The following TAOK3 variants were observed in gnomAD, a reference collection of about 807,000 sequenced individuals.
TAOK3 encodes serine/threonine-protein kinase TAO3.
In TAOK3, 40 loss-of-function variants were observed where a neutral mutation model predicts 120.4. The ratio of observed to expected loss-of-function variants is 0.33; its 90% CI spans 0.26 to 0.43. The LOEUF (loss-of-function observed/expected upper bound fraction) is 0.43. Among genes scored for constraint, TAOK3 ranks in the 20% least tolerant of loss-of-function variants. The probability of loss-of-function intolerance (pLI) is 1.00; values close to 1 mark genes in which losing one functional copy is unlikely to be tolerated. For synonymous variants in TAOK3, 355 were observed against 387.5 expected (o/e 0.92, Z 0.99); for missense variants, 821 against 1,112.1 (o/e 0.74, Z 3.72).
At chr12:118,152,866 A>G (rs2034548669) in intron 19 of TAOK3, 1 of 154,288 alleles carries the variant, frequency 6.5e-6, no homozygotes, top group Non-Finnish European at 1.4e-5. Context: ...CACAGTTCTC[A>G]ATGCATTACA....
intron 1 of TAOK3, among the ~76,000 whole-genome samples, chr12:118,324,341 C>T (rs2043840415): frequency 6.6e-6 from 1 of 152,066 alleles, no homozygotes; most frequent in African/African-American, 2.4e-5. Context: ...TAGAAATATA[C>T]AATATAGATA....
chr12:118,283,233 A>G (rs1258964345), intron 1 of TAOK3, among the ~76,000 whole-genome samples: 1 of 152,204 alleles, frequency 6.6e-6, no homozygotes, highest in Non-Finnish European at 1.5e-5. Context: ...ATATTGTGTT[A>G]GGTGCTGAAA....
intron 1 of TAOK3, among the ~76,000 whole-genome samples, chr12:118,276,879 C>A (rs2140369488): frequency 6.6e-6 from 1 of 152,266 alleles, no homozygotes; most frequent in African/African-American, 2.4e-5. Flanking sequence ...GTGGCTCACG[C>A]CTATAGTCCC....
At chr12:118,363,788 GAC>G (rs950750011) in intron 1 of TAOK3, among the ~76,000 whole-genome samples, 23 of 151,586 alleles carry the variant, frequency 1.5e-4, no homozygotes, top group African/African-American at 1.7e-4. Flanking sequence ...CAGACAGACA[GAC>G]ACACAGACAC....
At chr12:118,297,053 C>T (rs1419607889) in intron 1 of TAOK3, 1 of 152,110 alleles carries the variant, frequency 6.6e-6, no homozygotes, top group African/African-American at 2.4e-5. Context: ...CTCTCCGGTC[C>T]TGAGTTTGCT....
At chr12:118,258,713 TAA>T (rs577331732) in intron 2 of TAOK3, among the ~76,000 whole-genome samples, 8 of 130,566 alleles carry the variant, frequency 6.1e-5, no homozygotes, top group Admixed American at 2.3e-4. Flanking sequence ...GACTCTGTCA[TAA>T]AAAAAAAAAA....
chr12:118,152,482 C>T, intron 19 of TAOK3, 73 bp from the exon 20 acceptor site: 1 of 1,439,596 alleles, frequency 6.9e-7, no homozygotes, highest in Non-Finnish European at 9.3e-7. Context: ...CCCTTGGTGA[C>T]TACTGGAAGA....
intron 1 of TAOK3, among the ~76,000 whole-genome samples, chr12:118,349,913 C>A (rs118182369): frequency 3.2e-4 from 49 of 152,302 alleles, no homozygotes; most frequent in Non-Finnish European, 6.3e-4. Context: ...TTAACTGTGG[C>A]GTCTTTAGGA....
At chr12:118,341,211 G>C (rs1399340900) in intron 1 of TAOK3, among the ~76,000 whole-genome samples, 1 of 152,022 alleles carries the variant, frequency 6.6e-6, no homozygotes, top group African/African-American at 2.4e-5. Flanking sequence ...ATGTTGGCTA[G>C]ACTGGTTTCA....
intron 1 of TAOK3, among the ~76,000 whole-genome samples, chr12:118,310,691 AATC>A (rs1485801361): frequency 2.0e-5 from 3 of 152,160 alleles, no homozygotes; most frequent in African/African-American, 7.2e-5. Context: ...AAATGTTTAT[AATC>A]ATCCTTCTAT....
At chr12:118,292,150 C>T (rs567214390) in intron 1 of TAOK3, among the ~76,000 whole-genome samples, 15 of 152,170 alleles carry the variant, frequency 9.9e-5, no homozygotes, top group South Asian at 8.3e-4. Context: ...ATTTTTTCCC[C>T]GTGGATAGTC....
intron 5 of TAOK3, among the ~76,000 whole-genome samples, chr12:118,240,164 C>A (rs990186870): frequency 3.3e-5 from 5 of 151,488 alleles, no homozygotes; most frequent in Non-Finnish European, 7.4e-5. Context: ...AAGTGAGAAA[C>A]CTCTTTCTTT....
rs774688333 is a variant in TAOK3, at chr12:118,161,923, C to T, written c.2004G>A (p.Gln668=). The change falls in exon 18 of 21, where the codon CAG becomes CAA. Residue 668 remains glutamine (Q), a synonymous_variant. Coordinates refer to ENST00000392533, the MANE Select transcript of TAOK3 (RefSeq NM_016281.4). This position sits in a 1 kb window ranked among gnomAD's most constrained non-coding sequence, Gnocchi z 4.5. ...ELEYRQLHTL[Q]KLRMDLIRLQ... is the part of the protein sequence containing the mutation. Reference sequence around the variant, plus strand: ...AACGGATCAGATCCATGCGTAGCTTCTGTAACGTGTGCAGCTGCCTGTACT... The same window carrying T: ...AACGGATCAGATCCATGCGTAGCTTTTGTAACGTGTGCAGCTGCCTGTACT... The T allele has an allele frequency of 1.9e-6, 3 of 1,614,130 alleles. No homozygotes were observed. The highest frequency in any genetic ancestry group is 4.5e-5 in the East Asian group (2 of 44,882).
At chr12:118,351,531 T>C (rs2045153852) in intron 1 of TAOK3, among the ~76,000 whole-genome samples, 1 of 152,346 alleles carries the variant, frequency 6.6e-6, no homozygotes, top group South Asian at 2.1e-4. Context: ...TCCATACTCT[T>C]ACATATATAA....
chr12:118,258,909 CA>C (rs2041108260), intron 2 of TAOK3, among the ~76,000 whole-genome samples: 1 of 151,946 alleles, frequency 6.6e-6, no homozygotes, highest in Non-Finnish European at 1.5e-5. Context: ...TTTCAATCAC[CA>C]AAACACATTA....
At chr12:118,280,598 C>T (rs898215138) in intron 1 of TAOK3, among the ~76,000 whole-genome samples, 1 of 152,148 alleles carries the variant, frequency 6.6e-6, no homozygotes, top group African/African-American at 2.4e-5. Flanking sequence ...GTTACTATAT[C>T]ATTATAGTTT....
Position 118,307,954 on chromosome 12 carries a change from A to C in TAOK3, c.-193-41195T>G, listed in dbSNP as rs933265930. Among the ~76,000 whole-genome samples the C allele has an allele frequency of 2.6e-5, 4 of 151,770 alleles. No homozygotes were observed. In the East Asian group the frequency reaches 7.8e-4, roughly 30 times the overall value. ...AGCTGCTTAAAATAAGCTGTTGGCA[A>C]GTTTGACTACTTTTTTTTTTTTTTT... On this transcript the variant is annotated intron_variant, in intron 1 of 20. Coordinates refer to ENST00000392533, the MANE Select transcript of TAOK3 (RefSeq NM_016281.4).
chr12:118,274,360 C>T (rs1333840153), intron 1 of TAOK3, among the ~76,000 whole-genome samples: 1 of 152,134 alleles, frequency 6.6e-6, no homozygotes, highest in Non-Finnish European at 1.5e-5. Flanking sequence ...CATCTAATTT[C>T]TACGTGGCAA....
At chr12:118,153,754 C>CTTAT (rs2034614972) in intron 19 of TAOK3, among the ~76,000 whole-genome samples, 1 of 152,176 alleles carries the variant, frequency 6.6e-6, no homozygotes, top group African/African-American at 2.4e-5. Context: ...GATACTTATT[C>CTTAT]TCCACCTTAT....
Sources: gnomAD v4.1 joint callset for allele counts (sites outside exome capture counted in the v4.1 genomes callset) on GRCh38, gnomAD v4.1.1 for gene constraint, Gnocchi (gnomAD v3.1) non-coding constraint, MANE v1.5 for transcripts, NCBI Gene and HGNC (gene_info 2026-07-23, HGNC 2026-07-21) for gene names.